FNDC1: variants seen among roughly 807,000 people sequenced by gnomAD.
FNDC1 encodes fibronectin type III domain-containing protein 1.
A neutral mutation model predicts 168.0 loss-of-function variants in FNDC1; 96 were observed. The ratio of observed to expected loss-of-function variants is 0.57; its 90% CI spans 0.48 to 0.68. FNDC1 has a LOEUF of 0.68. Among genes scored for constraint, FNDC1 ranks in the 30% least tolerant of loss-of-function variants. FNDC1 has a pLI of 0.00. For synonymous variants in FNDC1, 1,099 were observed against 1,025.9 expected (o/e 1.07, Z -1.36); for missense variants, 2,587 against 2,482.1 (o/e 1.04, Z -0.90).
chr6:159,226,108 A>T (rs1287395000), intron 8 of FNDC1, among the ~76,000 whole-genome samples: 1 of 152,152 alleles, frequency 6.6e-6, no homozygotes, highest in Non-Finnish European at 1.5e-5. Flanking sequence ...TCTGGGAAAA[A>T]TTTTGGTCTG....
At chr6:159,207,738 C>T (rs926847373) in intron 4 of FNDC1, among the ~76,000 whole-genome samples, 11 of 152,182 alleles carry the variant, frequency 7.2e-5, no homozygotes, top group South Asian at 2.1e-4. Context: ...AACCAATAGA[C>T]GTTCAACAAA....
chr6:159,191,344 C>A (rs954334122), intron 1 of FNDC1, among the ~76,000 whole-genome samples: 1 of 152,168 alleles, frequency 6.6e-6, no homozygotes, highest in Non-Finnish European at 1.5e-5. Flanking sequence ...CCAAAGATAA[C>A]TCAAATCTAT....
rs1777200145 is a variant in FNDC1, at chr6:159,249,042, A to G, written c.4694A>G (p.Tyr1565Cys). ...EEAYVIYDED[Y>C]EFETSRPPTT... ...CAGAGCCTTCATATCATTTCAGATT[A>G]TGAATTTGAGACGTCAAGGCCACCA... The change falls in exon 16 of 23, where the codon TAT becomes TGT. Residue 1565 changes from tyrosine (Y) to cysteine (C), a missense_variant. Physicochemically the swap from Tyr to Cys is radical, Grantham distance 194. Transcript: ENST00000297267. 6.3e-7 allele frequency: 1 copy of G among 1,595,728 alleles called. No individual in the cohort carries two copies.
intron 10 of FNDC1, among the ~76,000 whole-genome samples, chr6:159,230,586 G>A (rs1783059711): frequency 6.6e-6 from 1 of 152,110 alleles, no homozygotes. Context: ...CCATTATTTA[G>A]GAATGCAGCT....
At chr6:159,267,977 A>G in intron 22 of FNDC1, 51 bp downstream of exon 22, 1 of 1,568,302 alleles carries the variant, frequency 6.4e-7, no homozygotes, top group Non-Finnish European at 8.7e-7. Context: ...GGAGACAAGG[A>G]TTAATAGAGG....
At position 159,221,713 on chromosome 6, in the gene FNDC1, G is replaced by A; in HGVS notation, c.766+17G>A. On this transcript the variant is annotated intron_variant, in intron 6 of 22. Coordinates refer to ENST00000297267, the MANE Select transcript of FNDC1 (RefSeq NM_032532.3). ...AGATTTCAGGTATGTTTCTAAGGAT[G>A]CATTTGGTCAAACCATAGTCTGGTA... is the stretch of plus-strand genomic sequence containing the variant. 6.3e-7 allele frequency: 1 copy of A among 1,591,528 alleles called. No homozygotes were observed. Among genetic ancestry groups the A allele is most frequent in the Non-Finnish European group, 8.6e-7 (1 of 1,159,380 alleles).
At position 159,231,331 on chromosome 6, in the gene FNDC1, C is replaced by T. The variant is rs1355949463; in HGVS notation, c.1370-551C>T. 1.5e-5 allele frequency among the ~76,000 whole-genome samples: 2 copies of T among 131,826 alleles called. 1 individual carries two copies. The highest frequency in any genetic ancestry group is 3.4e-5 in the Non-Finnish European group (2 of 58,406). 86.5% of individuals were successfully genotyped at this position (131,826 alleles called of 152,430 possible). ...CGGAGCTTGCAGTGAGCCGAGATTG[C>T]GCCACTGCAGTCCGCAGTCCGGCCT... On this transcript the variant is annotated intron_variant, in intron 10 of 22. Coordinates refer to ENST00000297267, the MANE Select transcript of FNDC1 (RefSeq NM_032532.3).
At chr6:159,180,510 G>A (rs931929100) in intron 1 of FNDC1, among the ~76,000 whole-genome samples, 3 of 152,018 alleles carry the variant, frequency 2.0e-5, no homozygotes, top group Non-Finnish European at 4.4e-5. Flanking sequence ...TACATGTGCA[G>A]GATGTGCAGG....
At chr6:159,211,895 T>C (rs1782614141) in intron 4 of FNDC1, among the ~76,000 whole-genome samples, 1 of 152,200 alleles carries the variant, frequency 6.6e-6, no homozygotes, top group Admixed American at 6.5e-5. Flanking sequence ...TCAAGCCCAA[T>C]TCAGAAGCTA....
At chr6:159,251,568 T>C (rs1390186334) in intron 17 of FNDC1, 36 bp downstream of exon 17, 7 of 1,555,850 alleles carry the variant, frequency 4.5e-6, no homozygotes, top group South Asian at 1.1e-5. Flanking sequence ...TCCCATGATC[T>C]GTAGGTGGGA....
intron 1 of FNDC1, among the ~76,000 whole-genome samples, chr6:159,172,703 G>A (rs774435256): frequency 3.3e-5 from 5 of 152,194 alleles, no homozygotes; most frequent in African/African-American, 4.8e-5. Context: ...GATTTTTAAT[G>A]TAACAAAATA....
chr6:159,270,969 A>T (rs1020913014), intron 22 of FNDC1, among the ~76,000 whole-genome samples: 1 of 152,150 alleles, frequency 6.6e-6, no homozygotes, highest in Non-Finnish European at 1.5e-5. Flanking sequence ...ATCTCTACAG[A>T]TCTGTTTGGG....
intron 1 of FNDC1, among the ~76,000 whole-genome samples, chr6:159,173,370 A>G (rs2114913561): frequency 6.6e-6 from 1 of 152,270 alleles, no homozygotes; most frequent in East Asian, 1.9e-4. Flanking sequence ...ATGTGGCTTT[A>G]TGGGGTTTCC....
chr6:159,260,111 T>C (rs1358934989), intron 18 of FNDC1, among the ~76,000 whole-genome samples: 2 of 152,248 alleles, frequency 1.3e-5, no homozygotes, highest in East Asian at 1.9e-4. Flanking sequence ...AAGTGTGACA[T>C]TCTTACTGGC....
chr6:159,240,375 G>A (rs141264406), intron 14 of FNDC1, among the ~76,000 whole-genome samples: 162 of 152,280 alleles, frequency 1.1e-3, no homozygotes, highest in Non-Finnish European at 2.0e-3. Context: ...TACTTAAAAG[G>A]TTCTGTGATT....
At position 159,233,308 on chromosome 6, in the gene FNDC1, A is replaced by G; in HGVS notation, c.2796A>G (p.Thr932=). The change falls in exon 11 of 23, where the codon ACA becomes ACG. Residue 932 remains threonine, a synonymous_variant. Coordinates refer to ENST00000297267, the MANE Select transcript of FNDC1 (RefSeq NM_032532.3). This position sits in a 1 kb window ranked among gnomAD's most constrained non-coding sequence, Gnocchi z 4.6. ...CCATCCCAGAGAACCCCAAATCCAC[A>G]GGGGCAGATACACATCCTCAGGGCA... ...KEPIPENPKS[T]GADTHPQGKY... 6.2e-7 allele frequency: 1 copy of G among 1,613,902 alleles called. No individual in the cohort carries two copies. The highest frequency in any genetic ancestry group is 1.1e-5 in the South Asian group (1 of 91,070).
Position 159,234,378 on chromosome 6 carries a change from A to G in FNDC1, c.3866A>G (p.His1289Arg), listed in dbSNP as rs1583896997. ...PQYTTRAPPGHFSTTPMLSLR... is the reference protein window; with the variant it reads ...PQYTTRAPPGRFSTTPMLSLR... The stretch of plus-strand genomic sequence containing the variant: ...TACACCACGCGCGCCCCACCTGGCC[A>G]CTTCTCCACCACCCCGATGCTGTCC... Residue 1289 changes from histidine to arginine, a missense_variant, in exon 11 of 23, where the codon CAC becomes CGC. Coordinates refer to ENST00000297267, the MANE Select transcript of FNDC1 (RefSeq NM_032532.3). 1 of 1,612,928 alleles carries G rather than the reference A, an allele frequency of 6.2e-7. No individual in the cohort carries two copies. Among genetic ancestry groups the G allele is most frequent in the African/African-American group, 1.3e-5 (1 of 74,846 alleles).
intron 18 of FNDC1, among the ~76,000 whole-genome samples, chr6:159,256,858 C>A (rs943770546): frequency 6.6e-6 from 1 of 152,164 alleles, no homozygotes; most frequent in African/African-American, 2.4e-5. Flanking sequence ...TATTTTCCTC[C>A]CTGTTTACCT....
chr6:159,184,626 G>T (rs895817459), intron 1 of FNDC1, among the ~76,000 whole-genome samples: 2 of 152,062 alleles, frequency 1.3e-5, no homozygotes, highest in Non-Finnish European at 2.9e-5. Context: ...GTGTTTTTCA[G>T]GGAGCTTTCT....
Sources: allele counts gnomAD v4.1 joint callset (sites outside exome capture counted in the v4.1 genomes callset), GRCh38; gene constraint gnomAD v4.1.1; non-coding constraint Gnocchi (gnomAD v3.1); transcripts MANE v1.5; gene names NCBI Gene and HGNC (gene_info 2026-07-23, HGNC 2026-07-21).